SRPRB: variants seen among roughly 807,000 people sequenced by gnomAD.
The protein encoded by SRPRB is signal recognition particle receptor subunit beta.
In SRPRB, 20 loss-of-function variants were observed where a neutral mutation model predicts 31.9. The ratio of observed to expected loss-of-function variants is 0.63; its 90% CI spans 0.44 to 0.91. The LOEUF (loss-of-function observed/expected upper bound fraction) is 0.91. SRPRB is among the 40% of genes least tolerant of loss of function. The pLI is 0.00. For synonymous variants in SRPRB, 146 were observed against 132.8 expected (o/e 1.10, Z -0.68); for missense variants, 321 against 324.9 (o/e 0.99, Z 0.09).
At chr3:133,815,469 A>G in intron 4 of SRPRB, 121 bp from the exon 5 acceptor site, 1 of 1,146,034 alleles carries the variant, frequency 8.7e-7, no homozygotes, top group Non-Finnish European at 1.3e-6. Context: ...ACAGACCTGC[A>G]TGTGTGTCTG....
At chr3:133,813,204 A>T (rs142000559) in intron 4 of SRPRB, among the ~76,000 whole-genome samples, 1 of 152,292 alleles carries the variant, frequency 6.6e-6, no homozygotes, top group South Asian at 2.1e-4. Flanking sequence ...CTTCTGTTCA[A>T]GGATGGATTT....
chr3:133,794,902 G>A (rs547979240), intron 1 of SRPRB: 2 of 152,240 alleles, frequency 1.3e-5, no homozygotes, highest in Non-Finnish European at 2.9e-5. Context: ...GTACAATTAT[G>A]GGTTATACTT....
chr3:133,817,904 G>A (rs1307551173), intron 6 of SRPRB, among the ~76,000 whole-genome samples: 1 of 152,110 alleles, frequency 6.6e-6, no homozygotes, highest in African/African-American at 2.4e-5. Context: ...CTCCTGCCTG[G>A]GCCTGCAAGC....
At chr3:133,809,799 A>G (rs2107970382) in intron 3 of SRPRB, among the ~76,000 whole-genome samples, 1 of 152,318 alleles carries the variant, frequency 6.6e-6, no homozygotes, top group South Asian at 2.1e-4. Context: ...TTTTTTTATT[A>G]CATTTTAAAA....
chr3:133,792,390 T>C (rs896556053), intron 1 of SRPRB: 2 of 152,186 alleles, frequency 1.3e-5, no homozygotes, highest in African/African-American at 4.8e-5. Flanking sequence ...AATTTAACGG[T>C]GATTAGACCT....
At chr3:133,815,438 A>G in intron 4 of SRPRB, 152 bp from the exon 5 acceptor site, 1 of 847,692 alleles carries the variant, frequency 1.2e-6, no homozygotes, top group Non-Finnish European at 1.9e-6. Context: ...ATGAGGATTT[A>G]TGTTATATGA....
chr3:133,801,597 T>C (rs1257603174), upstream of SRPRB, among the ~76,000 whole-genome samples: 8 of 152,354 alleles, frequency 5.3e-5, no homozygotes, highest in Middle Eastern at 6.8e-3. Flanking sequence ...TTAAGACAGT[T>C]ACGGTTGGAA....
intron 5 of SRPRB, among the ~76,000 whole-genome samples, chr3:133,815,977 T>C (rs1303850009): frequency 6.6e-6 from 1 of 152,232 alleles, no homozygotes; most frequent in Non-Finnish European, 1.5e-5. Context: ...GTGTTTTTTC[T>C]GATTATAAAT....
chr3:133,790,907 C>A (rs1934814608), intron 1 of SRPRB: 1 of 152,052 alleles, frequency 6.6e-6, no homozygotes, highest in Admixed American at 6.5e-5. Context: ...TTGGGGGGCC[C>A]TAGGTAAACA....
chr3:133,827,539 T>C (rs1393634285), downstream of SRPRB: 5 of 229,692 alleles, frequency 2.2e-5, no homozygotes, highest in South Asian at 4.4e-4. Flanking sequence ...CAAGCAGCCT[T>C]CTGGAGACCC....
intron 5 of SRPRB, among the ~76,000 whole-genome samples, chr3:133,816,143 C>A (rs141742069): frequency 6.6e-6 from 1 of 152,266 alleles, no homozygotes; most frequent in African/African-American, 2.4e-5. Context: ...AACCTGATAA[C>A]CATTGAAAAC....
upstream of SRPRB, among the ~76,000 whole-genome samples, chr3:133,800,855 C>T (rs1453494092): frequency 2.6e-5 from 4 of 152,166 alleles, no homozygotes; most frequent in East Asian, 1.9e-4. Flanking sequence ...ATGGGGAATA[C>T]AGAGGTGCAT....
At chr3:133,798,441 C>T (rs1576378012) in intron 1 of SRPRB, among the ~76,000 whole-genome samples, 1 of 152,252 alleles carries the variant, frequency 6.6e-6, no homozygotes, top group African/African-American at 2.4e-5. Flanking sequence ...AAACATTATA[C>T]TTAGTGTATT....
At chr3:133,805,732 G>A, upstream of SRPRB, 3 of 1,378,256 alleles carry the variant, frequency 2.2e-6, no homozygotes, top group South Asian at 4.6e-5. Flanking sequence ...GATCGCCGCG[G>A]CTGAGGGAGA....
chr3:133,824,525 T>A (rs1054589168), downstream of SRPRB: 20 of 152,318 alleles, frequency 1.3e-4, no homozygotes, highest in African/African-American at 4.8e-4. Flanking sequence ...GATTTCCTGA[T>A]GAAACCACAC....
At chr3:133,818,848 A>G (rs1208277573) in intron 6 of SRPRB, among the ~76,000 whole-genome samples, 6 of 148,328 alleles carry the variant, frequency 4.0e-5, no homozygotes, top group Non-Finnish European at 8.9e-5. Flanking sequence ...GGTATTGCTT[A>G]GTTTTGCCTG....
Position 133,821,420 on chromosome 3 carries a change from G to T in SRPRB, c.*1654G>T, listed in dbSNP as rs551274362. On this transcript the variant is annotated 3_prime_UTR_variant, in exon 7 of 7. Coordinates refer to ENST00000678299, the MANE Select transcript of SRPRB (RefSeq NM_001379313.1). ...TAGGAAGTAGGTAAGAGCAATAAAT[G>T]TGACATGTTATGTCATCATAGTAGG... 2 of 152,304 alleles carry T rather than the reference G, an allele frequency of 1.3e-5. No individual in the cohort carries two copies. The highest frequency in any genetic ancestry group is 3.9e-4 in the East Asian group (2 of 5,186). 9.4% of individuals were successfully genotyped at this position (152,304 alleles called of 1,614,324 possible). A position where few individuals can be genotyped will look rare whatever the true frequency, so the allele number is the denominator to read the frequency against.
downstream of SRPRB, chr3:133,825,781 A>G (rs1442392120): frequency 2.6e-5 from 4 of 152,236 alleles, no homozygotes; most frequent in Admixed American, 2.0e-4. Flanking sequence ...AAGAAGGCCA[A>G]GAGGATCCTG....
At chr3:133,794,179 C>G (rs913283305) in intron 1 of SRPRB, 1 of 152,080 alleles carries the variant, frequency 6.6e-6, no homozygotes, top group Non-Finnish European at 1.5e-5. Context: ...CTTGTCCTTC[C>G]TAAGTCGTTA....
Sources: gnomAD v4.1 joint callset for allele counts (sites outside exome capture counted in the v4.1 genomes callset) on GRCh38, gnomAD v4.1.1 for gene constraint, MANE v1.5 for transcripts, NCBI Gene and HGNC (gene_info 2026-07-23, HGNC 2026-07-21) for gene names.